Variants in USP13 observed in about 807,000 individuals in gnomAD.
USP13 encodes ubiquitin specific peptidase 13.
Under a neutral mutation model 107.8 loss-of-function variants are expected in USP13, and 68 were observed. The ratio of observed to expected loss-of-function variants is 0.63; its 90% CI spans 0.52 to 0.77. The LOEUF (loss-of-function observed/expected upper bound fraction) is 0.77. USP13 is among the 30% of genes least tolerant of loss of function. USP13 has a pLI of 0.00. For synonymous variants in USP13, 377 were observed against 389.5 expected, an observed-to-expected ratio of 0.97 and a Z score of 0.38; for missense variants, 945 against 1,093.3, an observed-to-expected ratio of 0.86 and a Z score of 1.91.
rs116865637 is a variant in USP13, at chr3:179,663,887, C to T, written c.168+10494C>T. On this transcript the variant is annotated intron_variant, in intron 1 of 20. Transcript: ENST00000263966. ...CTCATCCTCCTGGAAAAGCCCTGTT[C>T]GTCCTTTAAAGCCAGCTCAGATGTT... is the stretch of plus-strand genomic sequence containing the variant. Among the ~76,000 whole-genome samples the T allele has an allele frequency of 2.6e-5, 4 of 152,298 alleles. No homozygotes were observed. The East Asian group carries it at 7.7e-4, about 29-fold the overall frequency.
chr3:179,654,086 A>T (rs1302327838), intron 1 of USP13, among the ~76,000 whole-genome samples: 1 of 151,736 alleles, frequency 6.6e-6, no homozygotes, highest in Non-Finnish European at 1.5e-5. Flanking sequence ...CGGTGGCGGG[A>T]GCCTGTAGTC....
At chr3:179,693,652 A>G (rs1009056158) in intron 3 of USP13, among the ~76,000 whole-genome samples, 1 of 152,058 alleles carries the variant, frequency 6.6e-6, no homozygotes, top group East Asian at 1.9e-4. Context: ...GGTAAATTTA[A>G]AACACTAGTA....
At position 179,696,424 on chromosome 3, in the gene USP13, G is replaced by A. The variant is rs541147325; in HGVS notation, c.356-4584G>A. On this transcript the variant is annotated intron_variant, in intron 3 of 20. Coordinates refer to ENST00000263966, the MANE Select transcript of USP13 (RefSeq NM_003940.3). Reference sequence around the variant, plus strand: ...TGGCTCACCGCAACCTCCGCCTCCCGGGTTCAAGCGATTCTCCTGCATTAG... The same window carrying A: ...TGGCTCACCGCAACCTCCGCCTCCCAGGTTCAAGCGATTCTCCTGCATTAG... 1.9e-4 allele frequency among the ~76,000 whole-genome samples: 27 copies of A among 143,208 alleles called. No individual in the cohort carries two copies. In the East Asian group the frequency reaches 5.6e-3, roughly 30 times the overall value. 94.0% of individuals were successfully genotyped at this position (143,208 alleles called of 152,430 possible). A position where few individuals can be genotyped will look rare whatever the true frequency, so the allele number is the denominator to read the frequency against.
intron 1 of USP13, among the ~76,000 whole-genome samples, chr3:179,677,980 T>C (rs1711529495): frequency 6.6e-6 from 1 of 152,200 alleles, no homozygotes; most frequent in South Asian, 2.1e-4. Context: ...AGCACTTTGA[T>C]ATATTTCACC....
At chr3:179,677,315 G>A (rs1711510455) in intron 1 of USP13, among the ~76,000 whole-genome samples, 1 of 151,796 alleles carries the variant, frequency 6.6e-6, no homozygotes, top group South Asian at 2.1e-4. Context: ...CGGGTGCAGT[G>A]GCTCACGCTG....
chr3:179,658,217 G>C (rs1250619423), intron 1 of USP13, among the ~76,000 whole-genome samples: 1 of 152,182 alleles, frequency 6.6e-6, no homozygotes, highest in Non-Finnish European at 1.5e-5. Context: ...GCCTCCCAAA[G>C]TGCTGTGATT....
At chr3:179,706,503 C>T (rs1712723452) in intron 4 of USP13, among the ~76,000 whole-genome samples, 1 of 152,204 alleles carries the variant, frequency 6.6e-6, no homozygotes, top group Admixed American at 6.5e-5. Flanking sequence ...CCCTTGACCA[C>T]ATGCCATTGT....
At chr3:179,666,467 G>T (rs1363605079) in intron 1 of USP13, among the ~76,000 whole-genome samples, 1 of 152,154 alleles carries the variant, frequency 6.6e-6, no homozygotes, top group Non-Finnish European at 1.5e-5. Context: ...AGTAGGCTGT[G>T]AGAGCCTCTA....
At chr3:179,673,410 C>T (rs1720803707) in intron 1 of USP13, among the ~76,000 whole-genome samples, 1 of 152,114 alleles carries the variant, frequency 6.6e-6, no homozygotes, top group African/African-American at 2.4e-5. Context: ...GCCCCCCCTG[C>T]CCTGTACCAG....
Position 179,754,805 on chromosome 3 carries a change from A to T in USP13, c.1872A>T (p.Glu624Asp). Residue 624 changes from glutamate (E) to aspartate (D), a missense_variant, in exon 15 of 21, where the codon GAA becomes GAT. By Grantham distance (45) the Glu-to-Asp change is conservative. Transcript: ENST00000263966. ...CCAGGGGGTTACAGCCAGGAGAGGA[A>T]GAACTTCCAGACATCAGCCCCCCCA... ...LRARGLQPGE[E>D]ELPDISPPIV... 1.9e-6 allele frequency: 3 copies of T among 1,613,304 alleles called. No homozygotes were observed. Among genetic ancestry groups the T allele is most frequent in the Non-Finnish European group, 2.5e-6 (3 of 1,179,704 alleles).
chr3:179,765,555 C>A, intron 18 of USP13, 140 bp from the exon 19 acceptor site: 2 of 960,094 alleles, frequency 2.1e-6, no homozygotes, highest in Non-Finnish European at 3.0e-6. Context: ...GGAGTCAGAG[C>A]TTCTTACTCA....
At chr3:179,671,719 G>T (rs1720753998) in intron 1 of USP13, among the ~76,000 whole-genome samples, 1 of 152,114 alleles carries the variant, frequency 6.6e-6, no homozygotes, top group South Asian at 2.1e-4. Context: ...ATAATTACAA[G>T]CAGCTCATTT....
intron 1 of USP13, among the ~76,000 whole-genome samples, chr3:179,675,355 G>A (rs1314567328): frequency 1.3e-5 from 2 of 151,464 alleles, no homozygotes; most frequent in African/African-American, 4.9e-5. Flanking sequence ...CTATACTGAT[G>A]TTAATTTTCC....
intron 10 of USP13, among the ~76,000 whole-genome samples, chr3:179,736,412 G>C (rs931465490): frequency 6.6e-6 from 1 of 152,190 alleles, no homozygotes; most frequent in Non-Finnish European, 1.5e-5. Context: ...TGAAAGCAGA[G>C]AGTAGGCATG....
intron 15 of USP13, 100 bp from the exon 16 acceptor site, chr3:179,756,952 G>T (rs1272561494): frequency 4.8e-6 from 6 of 1,237,288 alleles, no homozygotes; most frequent in Middle Eastern, 2.0e-4. Flanking sequence ...CCCAGGAGTG[G>T]GGAGGGCATT....
At chr3:179,765,949 A>G in intron 19 of USP13, 101 bp downstream of exon 19, 1 of 1,349,306 alleles carries the variant, frequency 7.4e-7, no homozygotes, top group Non-Finnish European at 1.0e-6. Flanking sequence ...GCCATCATTC[A>G]AAAGTTAGCA....
chr3:179,739,098 C>T (rs1346298132), intron 10 of USP13, among the ~76,000 whole-genome samples: 1 of 152,182 alleles, frequency 6.6e-6, no homozygotes, highest in African/African-American at 2.4e-5. Context: ...AGGGACCTTA[C>T]AAGGACCTTT....
At chr3:179,736,886 G>A (rs1025883549) in intron 10 of USP13, among the ~76,000 whole-genome samples, 5 of 152,196 alleles carry the variant, frequency 3.3e-5, no homozygotes, top group Admixed American at 2.6e-4. Flanking sequence ...GTCTGTGTTG[G>A]GGACTGGCAG....
At chr3:179,761,550 C>T (rs1715013782) in intron 17 of USP13, among the ~76,000 whole-genome samples, 1 of 152,116 alleles carries the variant, frequency 6.6e-6, no homozygotes, top group African/African-American at 2.4e-5. Context: ...AGTGAAACCC[C>T]ATCTCTACTA....
Sources: allele counts gnomAD v4.1 joint callset (sites outside exome capture counted in the v4.1 genomes callset), GRCh38; gene constraint gnomAD v4.1.1; transcripts MANE v1.5; gene names NCBI Gene and HGNC (gene_info 2026-07-23, HGNC 2026-07-21).